Variants in ROBO1 observed in about 807,000 individuals in gnomAD.
ROBO1 encodes roundabout guidance receptor 1, also known as roundabout homolog 1.
A neutral mutation model predicts 195.9 loss-of-function variants in ROBO1; 149 were observed. That is an observed-to-expected ratio of 0.76 (90% CI 0.67 to 0.87). The LOEUF is 0.87. Ranked by LOEUF, ROBO1 falls within the 40% of genes least tolerant of loss-of-function variation. The pLI is 0.00. For missense variants in ROBO1, 1,933 were observed against 2,068.3 expected (o/e 0.93, Z 1.27); for synonymous variants, 816 against 733.2 (o/e 1.11, Z -1.82).
chr3:79,088,649 C>A (rs747232320), intron 3 of ROBO1, among the ~76,000 whole-genome samples: 4 of 152,098 alleles, frequency 2.6e-5, no homozygotes, highest in Non-Finnish European at 4.4e-5. Flanking sequence ...GGGGAACACT[C>A]AGTATTCTAA....
chr3:78,905,864 C>T (rs969282328), intron 4 of ROBO1, among the ~76,000 whole-genome samples: 3 of 152,006 alleles, frequency 2.0e-5, no homozygotes, highest in African/African-American at 7.2e-5. Context: ...AACATTAAAA[C>T]AATCATTAAG....
At chr3:78,864,636 A>C (rs2035053093) in intron 4 of ROBO1, among the ~76,000 whole-genome samples, 1 of 152,016 alleles carries the variant, frequency 6.6e-6, no homozygotes, top group Non-Finnish European at 1.5e-5. Flanking sequence ...TAACCATTTT[A>C]GTATCTAATG....
intron 4 of ROBO1, among the ~76,000 whole-genome samples, chr3:78,897,888 C>A (rs920480137): frequency 6.6e-6 from 1 of 151,732 alleles, no homozygotes; most frequent in South Asian, 2.1e-4. Context: ...TTTGGATTTA[C>A]GAAATGCTTG....
chr3:79,071,090 T>C (rs928016067), intron 3 of ROBO1, among the ~76,000 whole-genome samples: 3 of 151,800 alleles, frequency 2.0e-5, no homozygotes, highest in African/African-American at 7.2e-5. Flanking sequence ...TAACATCTAC[T>C]CTCTCAGCAA....
intron 2 of ROBO1, among the ~76,000 whole-genome samples, chr3:79,558,593 G>A (rs972252332): frequency 6.6e-6 from 1 of 151,858 alleles, no homozygotes; most frequent in Admixed American, 6.6e-5. Flanking sequence ...ATTTTTCATG[G>A]GTAAACTGTA....
chr3:78,979,370 G>A (rs187812760), intron 3 of ROBO1, among the ~76,000 whole-genome samples: 9 of 152,242 alleles, frequency 5.9e-5, no homozygotes, highest in South Asian at 2.1e-4. Context: ...TCTTCCTGCC[G>A]TTACAACCCT....
At position 78,938,600 on chromosome 3, in the gene ROBO1, C is replaced by G. The variant is rs2039948311; in HGVS notation, c.499+1G>C. 6.2e-7 allele frequency: 1 copy of G among 1,602,326 alleles called. No individual in the cohort carries two copies. Among genetic ancestry groups the G allele is most frequent in the Non-Finnish European group, 8.5e-7 (1 of 1,171,650 alleles). ...AAACACAGAGCGCCCAGTTTACTTACTGGCTACTTCCAGCGATGCATTGTG... is the reference window on the plus strand; with the variant it reads ...AAACACAGAGCGCCCAGTTTACTTAGTGGCTACTTCCAGCGATGCATTGTG... On this transcript the variant is annotated splice_donor_variant, in intron 4 of 30. Coordinates refer to ENST00000464233, the MANE Select transcript of ROBO1 (RefSeq NM_002941.4). LOFTEE classifies it high-confidence loss of function.
intron 4 of ROBO1, among the ~76,000 whole-genome samples, chr3:78,814,881 C>G (rs986045891): frequency 2.6e-5 from 4 of 152,098 alleles, no homozygotes; most frequent in African/African-American, 9.7e-5. Flanking sequence ...TTCCCAAGAG[C>G]ATGGCTTTAC....
chr3:79,441,618 A>C (rs534540940), intron 2 of ROBO1, among the ~76,000 whole-genome samples: 1 of 152,228 alleles, frequency 6.6e-6, no homozygotes, highest in South Asian at 2.1e-4. Context: ...AGTCCTTCAA[A>C]TAACTTCATC....
chr3:78,805,059 T>C (rs2084494432), intron 4 of ROBO1, among the ~76,000 whole-genome samples: 1 of 152,236 alleles, frequency 6.6e-6, no homozygotes, highest in Admixed American at 6.5e-5. Flanking sequence ...TATTGACTGT[T>C]GGAACTTTTA....
In ROBO1 at chr3:79,186,913, A is replaced by G. The variant is rs556486038; in HGVS notation, c.89-61374T>C. Among the ~76,000 whole-genome samples, 23 of 152,248 alleles carry G rather than the reference A, an allele frequency of 1.5e-4. No homozygotes were observed. The South Asian group carries it at 2.7e-3, about 18-fold the overall frequency. ...ATACAGGACTGGGAGTGTAAGTGAT[A>G]ACGATGATTTATCTGGGAAAGCTTT... On this transcript the variant is annotated intron_variant, in intron 2 of 30. Transcript: ENST00000464233.
At chr3:79,496,292 T>C (rs983181252) in intron 2 of ROBO1, among the ~76,000 whole-genome samples, 1 of 150,350 alleles carries the variant, frequency 6.7e-6, no homozygotes, top group African/African-American at 2.4e-5. Flanking sequence ...ATATAATATG[T>C]AAGTAAAAAC....
At chr3:78,696,643 TATATATATACAC>T (rs1306558032) in intron 8 of ROBO1, among the ~76,000 whole-genome samples, 12 of 147,848 alleles carry the variant, frequency 8.1e-5, no homozygotes, top group Admixed American at 1.4e-4. Context: ...TGCATATATA[TATATATATACAC>T]ATATATATAC....
intron 3 of ROBO1, among the ~76,000 whole-genome samples, chr3:79,014,119 G>C (rs1483034670): frequency 6.6e-6 from 1 of 152,066 alleles, no homozygotes; most frequent in African/African-American, 2.4e-5. Context: ...AAACTATCTA[G>C]TTCTTTATAT....
chr3:79,567,195 T>G (rs961012456), intron 2 of ROBO1, among the ~76,000 whole-genome samples: 2 of 152,050 alleles, frequency 1.3e-5, no homozygotes, highest in African/African-American at 4.8e-5. Flanking sequence ...AAGTGGGAGC[T>G]GAACGATGAG....
chr3:78,658,942 T>G (rs1430759178), intron 17 of ROBO1, among the ~76,000 whole-genome samples: 1 of 152,176 alleles, frequency 6.6e-6, no homozygotes, highest in African/African-American at 2.4e-5. Flanking sequence ...GACCATGAAG[T>G]TACGTGAAAT....
chr3:79,062,234 G>A (rs1240106869), intron 3 of ROBO1, among the ~76,000 whole-genome samples: 2 of 152,008 alleles, frequency 1.3e-5, no homozygotes, highest in African/African-American at 4.8e-5. Flanking sequence ...GCAGCCCACA[G>A]ACATATGAAA....
At chr3:78,889,389 A>G (rs192140481) in intron 4 of ROBO1, among the ~76,000 whole-genome samples, 3 of 152,346 alleles carry the variant, frequency 2.0e-5, no homozygotes, top group East Asian at 3.9e-4. Flanking sequence ...ACAGAATCCT[A>G]AAATTAAACT....
intron 3 of ROBO1, among the ~76,000 whole-genome samples, chr3:79,011,002 G>A (rs897867777): frequency 6.6e-6 from 1 of 152,166 alleles, no homozygotes; most frequent in African/African-American, 2.4e-5. Flanking sequence ...GAAATGAACA[G>A]ATGAGTTTTA....
Sources: allele counts gnomAD v4.1 joint callset (sites outside exome capture counted in the v4.1 genomes callset), GRCh38; gene constraint gnomAD v4.1.1; transcripts MANE v1.5; gene names NCBI Gene and HGNC (gene_info 2026-07-23, HGNC 2026-07-21).